The following IQSEC3 variants were observed in gnomAD, a reference collection of about 807,000 sequenced individuals.
IQSEC3 encodes IQ motif and SEC7 domain-containing protein 3.
Under a neutral mutation model 105.4 loss-of-function variants are expected in IQSEC3, and 50 were observed. The observed-to-expected ratio is 0.47, with a 90% CI of 0.38 to 0.60. The LOEUF is 0.60. IQSEC3 is among the 20% of genes least tolerant of loss of function. IQSEC3 has a pLI of 0.00. For missense variants in IQSEC3, 1,415 were observed against 1,630.0 expected (o/e 0.87, Z 2.27); for synonymous variants, 708 against 746.0 (o/e 0.95, Z 0.83).
In IQSEC3 at chr12:175,270, C is replaced by G. The variant is rs898089287; in HGVS notation, c.*237C>G. ...CACCTCACTCTCCCAGGGCCCTACA[C>G]AGCCAGACCCGGCGAGGCCTCCTCT... is the stretch of plus-strand genomic sequence containing the variant. On this transcript the variant is annotated 3_prime_UTR_variant, in exon 14 of 14. Coordinates refer to ENST00000538872, the MANE Select transcript of IQSEC3 (RefSeq NM_001170738.2). 1.0e-4 allele frequency: 47 copies of G among 469,576 alleles called. No individual in the cohort carries two copies. In the Middle Eastern group the frequency reaches 1.6e-3, roughly 16 times the overall value. 29.1% of individuals were successfully genotyped at this position (469,576 alleles called of 1,614,324 possible). A position where few individuals can be genotyped will look rare whatever the true frequency, so the allele number is the denominator to read the frequency against.
Position 175,563 on chromosome 12 carries a change from GCCACC to G in IQSEC3, c.*533_*537del. 1 of 153,058 alleles carries G rather than the reference GCCACC, an allele frequency of 6.5e-6. No individual in the cohort carries two copies. Among genetic ancestry groups the G allele is most frequent in the Admixed American group, 6.5e-5 (1 of 15,336 alleles). The allele number at this position is 153,058 out of a possible 1,614,324, so 9.5% of individuals were successfully genotyped here. The stretch of plus-strand genomic sequence containing the variant: ...GAGGAGTGAGGAGGGGGCTTTTTCT[GCCACC>G]CCCGCCCCCAAGCCTGAAACTCTCA... On this transcript the variant is annotated 3_prime_UTR_variant, in exon 14 of 14. Transcript: ENST00000538872.
chr12:129,658 T>C (rs1283304635), intron 3 of IQSEC3, among the ~76,000 whole-genome samples: 1 of 152,118 alleles, frequency 6.6e-6, no homozygotes, highest in Non-Finnish European at 1.5e-5. Flanking sequence ...CTAGGGAGTT[T>C]GTGTCCTGTT....
intron 5 of IQSEC3, chr12:143,762 A>G (rs1227692792): frequency 2.3e-5 from 4 of 174,978 alleles, no homozygotes; most frequent in African/African-American, 9.7e-5. Flanking sequence ...GCCATTTGTT[A>G]TTCATTCAAC....
At chr12:104,608 T>A (rs1392400051) in intron 2 of IQSEC3, among the ~76,000 whole-genome samples, 2 of 152,144 alleles carry the variant, frequency 1.3e-5, no homozygotes, top group Non-Finnish European at 2.9e-5. Context: ...CGAGGCGTAC[T>A]GCGCCCCCTT....
chr12:126,544 G>GGTGTGTGTGTGTGTGTGTGTGT lies in IQSEC3; in HGVS notation c.903+640_903+661dup, dbSNP rs56871643. Among the ~76,000 whole-genome samples the GGTGTGTGTGTGTGTGTGTGTGT allele has an allele frequency of 2.7e-4, 39 of 145,828 alleles. 1 individual carries two copies. The highest frequency in any genetic ancestry group is 1.0e-3 in the East Asian group (5 of 4,934). On this transcript the variant is annotated intron_variant, in intron 3 of 13. Transcript: ENST00000538872. ...TTGGCAGACAAGAGTCTTGATGGAA[G>GGTGTGTGTGTGTGTGTGTGTGT]GTGTGTGTGTGTGTGTGTGTGTGTG...
intron 5 of IQSEC3, among the ~76,000 whole-genome samples, chr12:151,719 C>T (rs1181287297): frequency 6.6e-6 from 1 of 152,194 alleles, no homozygotes; most frequent in African/African-American, 2.4e-5. Context: ...CTGGCTGCTG[C>T]CCCACAGTCA....
At chr12:77,567 CT>C (rs1167237286) in intron 1 of IQSEC3, 2 of 586,512 alleles carry the variant, frequency 3.4e-6, no homozygotes, top group Non-Finnish European at 4.3e-6. Context: ...AGAAAGGACG[CT>C]CCAGCTGGCT....
chr12:126,190 C>T (rs954471159), intron 3 of IQSEC3, among the ~76,000 whole-genome samples: 5 of 152,246 alleles, frequency 3.3e-5, no homozygotes, highest in African/African-American at 7.2e-5. Context: ...CAAGCCTCCA[C>T]CGCCCCACTG....
intron 2 of IQSEC3, among the ~76,000 whole-genome samples, chr12:123,719 A>T (rs1865291888): frequency 6.6e-6 from 1 of 151,966 alleles, no homozygotes; most frequent in Non-Finnish European, 1.5e-5. Context: ...GTCCAGTGGA[A>T]GCCGCAGGAA....
chr12:173,626 T>A (rs907584546), intron 13 of IQSEC3, among the ~76,000 whole-genome samples: 2 of 152,088 alleles, frequency 1.3e-5, no homozygotes, highest in Non-Finnish European at 2.9e-5. Flanking sequence ...AGAAAGATCC[T>A]CAGAGAGGAG....
intron 1 of IQSEC3, among the ~76,000 whole-genome samples, chr12:72,214 A>T (rs2136860965): frequency 6.6e-6 from 1 of 152,270 alleles, no homozygotes; most frequent in African/African-American, 2.4e-5. Flanking sequence ...CAAAGGAAAC[A>T]ACAGTTGGTC....
chr12:159,329 G>C (rs1388227761), intron 7 of IQSEC3, among the ~76,000 whole-genome samples: 1 of 152,240 alleles, frequency 6.6e-6, no homozygotes, highest in African/African-American at 2.4e-5. Flanking sequence ...GACAGTGGCT[G>C]GGCCAGGGCA....
chr12:67,409 G>T lies in IQSEC3; in HGVS notation c.527G>T (p.Gly176Val). 6.3e-7 allele frequency: 1 copy of T among 1,597,866 alleles called. No individual in the cohort carries two copies. Among genetic ancestry groups the T allele is most frequent in the Non-Finnish European group, 8.5e-7 (1 of 1,179,608 alleles). Residue 176 changes from glycine to valine, a missense_variant, in exon 1 of 14, where the codon GGC (glycine) becomes GTC (valine). Gly to Val is a moderately radical substitution (Grantham distance 109). Transcript: ENST00000538872. ...CAGCACAAATCCCCCTCCGCCCTCG[G>T]CAAGGGCGTCCTGAGCAGGAGACCT... ...LLQHKSPSAL[G>V]KGVLSRRPEN...
chr12:141,525 A>G, intron 5 of IQSEC3: 1 of 487,534 alleles, frequency 2.1e-6, no homozygotes, highest in Non-Finnish European at 3.6e-6. Flanking sequence ...GGCAGCAGGG[A>G]TACAGAAATG....
intron 2 of IQSEC3, among the ~76,000 whole-genome samples, chr12:104,856 A>G (rs527430170): frequency 1.3e-5 from 2 of 152,350 alleles, no homozygotes; most frequent in Admixed American, 6.5e-5. Context: ...GGCCTGAAAC[A>G]TGAGCAATGG....
intron 8 of IQSEC3, among the ~76,000 whole-genome samples, chr12:162,966 T>G (rs1300303314): frequency 6.6e-6 from 1 of 152,028 alleles, no homozygotes; most frequent in East Asian, 1.9e-4. Context: ...CCTATTCCTG[T>G]CCCTCTATCC....
intron 11 of IQSEC3, among the ~76,000 whole-genome samples, chr12:168,777 C>T (rs1296346806): frequency 6.6e-6 from 1 of 152,152 alleles, no homozygotes. Context: ...TTCTGTGCCT[C>T]TCTGACGTTC....
intron 2 of IQSEC3, among the ~76,000 whole-genome samples, chr12:109,351 G>A (rs1864793088): frequency 6.6e-6 from 1 of 152,056 alleles, no homozygotes; most frequent in South Asian, 2.1e-4. Flanking sequence ...TGGCCGTGTT[G>A]TCCTTTGAGT....
At chr12:104,117 C>T (rs992123506) in intron 2 of IQSEC3, among the ~76,000 whole-genome samples, 2 of 152,062 alleles carry the variant, frequency 1.3e-5, no homozygotes, top group African/African-American at 4.8e-5. Context: ...CCAGGGACAA[C>T]GTGCTGGGCA....
Sources: gnomAD v4.1 joint callset for allele counts (sites outside exome capture counted in the v4.1 genomes callset) on GRCh38, gnomAD v4.1.1 for gene constraint, MANE v1.5 for transcripts, NCBI Gene and HGNC (gene_info 2026-07-23, HGNC 2026-07-21) for gene names.